FAM81A: variants seen among roughly 807,000 people sequenced by gnomAD.
FAM81A encodes the protein protein FAM81A.
In FAM81A, 19 loss-of-function variants were observed where a neutral mutation model predicts 46.7. That is an observed-to-expected ratio of 0.41 (90% CI 0.28 to 0.60). The LOEUF (loss-of-function observed/expected upper bound fraction) is 0.60, where lower values mean the gene tolerates loss of function less well. Ranked by LOEUF, FAM81A falls within the 20% of genes least tolerant of loss-of-function variation. The pLI, the probability that FAM81A is intolerant of heterozygous loss-of-function variation, is 0.34. For missense variants in FAM81A, 377 were observed against 453.5 expected, an observed-to-expected ratio of 0.83 and a Z score of 1.53; for synonymous variants, 183 against 152.9, an observed-to-expected ratio of 1.20 and a Z score of -1.45.
At chr15:59,438,336 G>T (rs1190710549) in intron 1 of FAM81A, 54 bp downstream of exon 1, 1 of 152,102 alleles carries the variant, frequency 6.6e-6, no homozygotes, top group Non-Finnish European at 1.5e-5. Context: ...GCTGGGCGGC[G>T]GGAGCTCTCT....
chr15:59,464,193 A>G (rs1209342733), intron 3 of FAM81A, among the ~76,000 whole-genome samples: 5 of 152,220 alleles, frequency 3.3e-5, no homozygotes. Context: ...TATATACACC[A>G]CATTGTCTTT....
At chr15:59,459,063 C>T (rs190174879) in intron 2 of FAM81A, among the ~76,000 whole-genome samples, 133 of 152,338 alleles carry the variant, frequency 8.7e-4, no homozygotes, top group African/African-American at 3.0e-3. Context: ...GTGGCACAGT[C>T]ACAGCTCACT....
intron 2 of FAM81A, chr15:59,409,061 G>C (rs1276719830): frequency 3.3e-5 from 5 of 151,996 alleles, no homozygotes; most frequent in African/African-American, 1.2e-4. Flanking sequence ...GTCATCAAAA[G>C]GGCTGCCCTG....
intron 4 of FAM81A, among the ~76,000 whole-genome samples, chr15:59,505,022 A>AT (rs1282246496): frequency 6.6e-6 from 1 of 152,150 alleles, no homozygotes; most frequent in African/African-American, 2.4e-5. Context: ...CACACCTCAA[A>AT]TATTGCTTCT....
intron 4 of FAM81A, among the ~76,000 whole-genome samples, chr15:59,494,248 AG>A (rs1378830796): frequency 3.9e-5 from 6 of 152,222 alleles, no homozygotes; most frequent in African/African-American, 1.4e-4. Context: ...GATACCTCTC[AG>A]AACAGCAGGG....
intron 2 of FAM81A, among the ~76,000 whole-genome samples, chr15:59,409,471 C>G (rs1036604773): frequency 3.9e-5 from 6 of 152,186 alleles, no homozygotes; most frequent in African/African-American, 1.4e-4. Context: ...ATCCCCATTT[C>G]TCTTCTTGGC....
chr15:59,430,455 G>A (rs2081215115), intron 2 of FAM81A, among the ~76,000 whole-genome samples: 10 of 151,820 alleles, frequency 6.6e-5, no homozygotes, highest in Admixed American at 6.6e-4. Flanking sequence ...TAGTAGAGAT[G>A]GGGTTTCACC....
intron 2 of FAM81A, among the ~76,000 whole-genome samples, chr15:59,418,606 A>G (rs1297986204): frequency 2.0e-5 from 3 of 152,030 alleles, no homozygotes; most frequent in East Asian, 3.8e-4. Flanking sequence ...TTTCCTCCCA[A>G]TTTGTTGTTC....
At chr15:59,484,258 A>T (rs528754693) in intron 3 of FAM81A, among the ~76,000 whole-genome samples, 135 of 152,334 alleles carry the variant, frequency 8.9e-4, no homozygotes, top group African/African-American at 2.9e-3. Flanking sequence ...TTTCTTCTTG[A>T]ACTTAAATTT....
upstream of FAM81A, chr15:59,438,045 G>A (rs1412423298): frequency 6.7e-6 from 1 of 150,068 alleles, no homozygotes; most frequent in Non-Finnish European, 1.5e-5. Flanking sequence ...CGGCAACCGC[G>A]TCCAGGCAAC....
At chr15:59,434,893 C>A (rs2081236330), upstream of FAM81A, among the ~76,000 whole-genome samples, 1 of 152,204 alleles carries the variant, frequency 6.6e-6, no homozygotes, top group African/African-American at 2.4e-5. Context: ...CCTAGAGGAG[C>A]CTACTTACTA....
At chr15:59,504,118 T>A (rs2082125121) in intron 4 of FAM81A, among the ~76,000 whole-genome samples, 1 of 152,164 alleles carries the variant, frequency 6.6e-6, no homozygotes, top group African/African-American at 2.4e-5. Context: ...TAATGTCTTT[T>A]AAAAAAACTA....
chr15:59,483,056 T>C (rs2081873764), intron 3 of FAM81A, among the ~76,000 whole-genome samples: 1 of 152,110 alleles, frequency 6.6e-6, no homozygotes, highest in Non-Finnish European at 1.5e-5. Context: ...TTTTTTTTTT[T>C]TGACGGAGTC....
At chr15:59,417,987 G>T (rs762545962) in intron 2 of FAM81A, among the ~76,000 whole-genome samples, 5 of 151,992 alleles carry the variant, frequency 3.3e-5, no homozygotes, top group Non-Finnish European at 7.4e-5. Context: ...TGTTCTCATT[G>T]TTCATTCCCC....
chr15:59,443,593 G>C (rs2081323961), intron 1 of FAM81A, among the ~76,000 whole-genome samples: 2 of 152,188 alleles, frequency 1.3e-5, no homozygotes, highest in Non-Finnish European at 2.9e-5. Context: ...CTCATGAGTA[G>C]TGGAGTGTGT....
intron 8 of FAM81A, among the ~76,000 whole-genome samples, chr15:59,518,931 GTGTGTGTGTGTC>G (rs2082296306): frequency 2.3e-5 from 3 of 131,846 alleles, no homozygotes; most frequent in South Asian, 2.4e-4. Context: ...ACAGGTATTT[GTGTGTGTGTGTC>G]TGTGTGTGTG....
chr15:59,400,048 T>C (rs2081063641), intron 1 of FAM81A, among the ~76,000 whole-genome samples: 1 of 115,032 alleles, frequency 8.7e-6, no homozygotes, highest in Non-Finnish European at 2.2e-5. Flanking sequence ...ACCTAGGAGC[T>C]AACTTCCTGC....
rs190157262 is a variant in FAM81A, at chr15:59,506,119, A to G, written c.414-1094A>G. On this transcript the variant is annotated intron_variant, in intron 4 of 8. Coordinates refer to ENST00000288228, the MANE Select transcript of FAM81A (RefSeq NM_152450.3). ...TTCTCCCTCAGTCCACCTGGTCATCAAGAACTCTTCTAGAAGCCACAGATT... is the reference window on the plus strand; with the variant it reads ...TTCTCCCTCAGTCCACCTGGTCATCGAGAACTCTTCTAGAAGCCACAGATT... Among the ~76,000 whole-genome samples, 14 of 152,198 alleles carry G rather than the reference A, an allele frequency of 9.2e-5. No homozygotes were observed. The East Asian group carries it at 2.7e-3, about 29-fold the overall frequency.
At chr15:59,449,645 G>A (rs535767816) in intron 1 of FAM81A, among the ~76,000 whole-genome samples, 4 of 152,014 alleles carry the variant, frequency 2.6e-5, no homozygotes, top group Admixed American at 1.3e-4. Context: ...AGCCGGGCGT[G>A]GTGGCGGGCG....
Sources: gnomAD v4.1 joint callset for allele counts (sites outside exome capture counted in the v4.1 genomes callset) on GRCh38, gnomAD v4.1.1 for gene constraint, MANE v1.5 for transcripts, NCBI Gene and HGNC (gene_info 2026-07-23, HGNC 2026-07-21) for gene names.